Variants in MKLN1 observed in about 807,000 individuals in gnomAD.
MKLN1 encodes muskelin.
A neutral mutation model predicts 99.0 loss-of-function variants in MKLN1; 18 were observed. The observed-to-expected ratio is 0.18, with a 90% CI of 0.13 to 0.27. MKLN1 has a LOEUF of 0.27. MKLN1 is among the 10% of genes least tolerant of loss of function. The probability of loss-of-function intolerance (pLI) is 1.00; values close to 1 mark genes in which losing one functional copy is unlikely to be tolerated. For synonymous variants in MKLN1, 288 were observed against 293.2 expected, an observed-to-expected ratio of 0.98 and a Z score of 0.18; for missense variants, 621 against 875.9, an observed-to-expected ratio of 0.71 and a Z score of 3.67.
intron 10 of MKLN1, among the ~76,000 whole-genome samples, chr7:131,440,258 CAGT>C (rs1300261768): frequency 1.3e-5 from 2 of 152,112 alleles, no homozygotes; most frequent in African/African-American, 4.8e-5. Context: ...TTGCAATGGC[CAGT>C]AAGAAACCTG....
At chr7:131,427,909 A>G (rs1397310032) in intron 8 of MKLN1, among the ~76,000 whole-genome samples, 3 of 152,082 alleles carry the variant, frequency 2.0e-5, no homozygotes, top group African/African-American at 4.8e-5. Flanking sequence ...CATGCCTATA[A>G]TCCTGGTACT....
intron 3 of MKLN1, among the ~76,000 whole-genome samples, chr7:131,316,306 C>G (rs2116650497): frequency 6.6e-6 from 1 of 152,258 alleles, no homozygotes; most frequent in Non-Finnish European, 1.5e-5. Context: ...GATACCCAGG[C>G]AAATAGGGTC....
intron 3 of MKLN1, among the ~76,000 whole-genome samples, chr7:131,226,998 T>A (rs185151057): frequency 8.5e-5 from 13 of 152,342 alleles, no homozygotes; most frequent in Admixed American, 5.2e-4. Flanking sequence ...CCTTTCCCAC[T>A]CAAAAATCTT....
chr7:131,397,249 TG>T lies in MKLN1; in HGVS notation c.401-17del. 3 of 1,476,118 alleles carry T rather than the reference TG, an allele frequency of 2.0e-6. No homozygotes were observed. Among genetic ancestry groups the T allele is most frequent in the Non-Finnish European group, 2.8e-6 (3 of 1,064,788 alleles). 91.4% of individuals were successfully genotyped at this position (1,476,118 alleles called of 1,614,324 possible). On this transcript the variant is annotated splice_polypyrimidine_tract_variant and intron_variant, in intron 4 of 17. Coordinates refer to ENST00000352689, the MANE Select transcript of MKLN1 (RefSeq NM_013255.5). ...GTGTTAATATTTTTCTTCTTCTTTT[TG>T]TTTTTTCTCCTTAAAGTTCCACTCT...
chr7:131,129,320 A>T (rs774851684), intron 1 of MKLN1, among the ~76,000 whole-genome samples: 1 of 152,176 alleles, frequency 6.6e-6, no homozygotes, highest in Non-Finnish European at 1.5e-5. Context: ...AAAAACCTTA[A>T]CATACACAAA....
intron 17 of MKLN1, chr7:131,479,019 A>T (rs1797045319): frequency 4.7e-6 from 1 of 213,610 alleles, no homozygotes; most frequent in African/African-American, 2.3e-5. Context: ...TTGATTAAAT[A>T]GTTTTTCCTC....
At chr7:131,264,505 C>T (rs1418715772) in intron 3 of MKLN1, among the ~76,000 whole-genome samples, 1 of 152,092 alleles carries the variant, frequency 6.6e-6, no homozygotes, top group African/African-American at 2.4e-5. Context: ...GTTTCATTTT[C>T]AAAAGTAAGA....
intron 3 of MKLN1, among the ~76,000 whole-genome samples, chr7:131,284,333 A>T (rs886809494): frequency 6.6e-6 from 1 of 152,230 alleles, no homozygotes; most frequent in East Asian, 1.9e-4. Context: ...CCCTATTTTC[A>T]TAGATTCTGA....
At position 131,136,960 on chromosome 7, in the gene MKLN1, T is replaced by C. The variant is rs1164433420; in HGVS notation, c.-418-5860T>C. Among the ~76,000 whole-genome samples, 3 of 152,206 alleles carry C rather than the reference T, an allele frequency of 2.0e-5. No homozygotes were observed. In the East Asian group the frequency reaches 5.8e-4, roughly 29 times the overall value. On this transcript the variant is annotated intron_variant, in intron 1 of 7. Transcript: ENST00000416992. ...TTCTCTTCTGGCTTTCCCATTGGACTGTGAGTTTCTTGAAGCCTGTGACTT... is the reference window on the plus strand; with the variant it reads ...TTCTCTTCTGGCTTTCCCATTGGACCGTGAGTTTCTTGAAGCCTGTGACTT...
At chr7:131,127,369 C>A (rs372506470) in intron 1 of MKLN1, among the ~76,000 whole-genome samples, 9 of 152,060 alleles carry the variant, frequency 5.9e-5, no homozygotes, top group African/African-American at 2.2e-4. Context: ...TCTCATGGAG[C>A]ACACAGAGGA....
intron 1 of MKLN1, among the ~76,000 whole-genome samples, chr7:131,357,842 A>G (rs895072506): frequency 3.9e-5 from 6 of 152,250 alleles, no homozygotes; most frequent in Admixed American, 1.3e-4. Context: ...TATTGGAGAA[A>G]GGCATAAAAA....
intron 3 of MKLN1, chr7:131,309,927 G>T (rs1036062382): frequency 2.0e-5 from 3 of 151,584 alleles, no homozygotes; most frequent in Non-Finnish European, 4.4e-5. Context: ...GGGTTTCACT[G>T]TGTTATCCAG....
Position 131,474,005 on chromosome 7 carries a change from C to A in MKLN1, c.2031+3061C>A, listed in dbSNP as rs565403352. On this transcript the variant is annotated intron_variant, in intron 16 of 17. Coordinates refer to ENST00000352689, the MANE Select transcript of MKLN1 (RefSeq NM_013255.5). ...CTCTACTAAAAATACAAAAAATTGG[C>A]CGGGCATGGTGGGAGGCGCCTGTAA... Among the ~76,000 whole-genome samples, 22 of 152,118 alleles carry A rather than the reference C, an allele frequency of 1.4e-4. No individual in the cohort carries two copies. The East Asian group carries it at 3.1e-3, about 21-fold the overall frequency.
chr7:131,344,201 T>C (rs941881680), intron 1 of MKLN1, among the ~76,000 whole-genome samples: 5 of 152,202 alleles, frequency 3.3e-5, no homozygotes, highest in Non-Finnish European at 5.9e-5. Context: ...TGCCTTTTCT[T>C]TGGGTATTGC....
At chr7:131,437,531 T>C (rs1157782771) in intron 9 of MKLN1, among the ~76,000 whole-genome samples, 1 of 152,170 alleles carries the variant, frequency 6.6e-6, no homozygotes, top group Non-Finnish European at 1.5e-5. Flanking sequence ...TGCAGTGTAG[T>C]TCATCTCATC....
At chr7:131,226,007 T>G (rs1454804495) in intron 3 of MKLN1, among the ~76,000 whole-genome samples, 1 of 151,996 alleles carries the variant, frequency 6.6e-6, no homozygotes. Context: ...CTTCCTGGCC[T>G]CTCTACCCCG....
At chr7:131,328,428 G>A (rs1369849292) in intron 1 of MKLN1, among the ~76,000 whole-genome samples, 1 of 151,722 alleles carries the variant, frequency 6.6e-6, no homozygotes. Context: ...GTCGATTGCT[G>A]CCGGGACAAA....
intron 2 of MKLN1, among the ~76,000 whole-genome samples, chr7:131,383,091 G>A (rs1253983742): frequency 6.6e-6 from 1 of 152,150 alleles, no homozygotes; most frequent in East Asian, 1.9e-4. Flanking sequence ...AGTTTTCTGA[G>A]AATTTCTAAT....
intron 3 of MKLN1, among the ~76,000 whole-genome samples, chr7:131,287,317 A>G (rs778874271): frequency 2.1e-4 from 32 of 152,228 alleles, no homozygotes; most frequent in Non-Finnish European, 4.3e-4. Context: ...ATTTTCTCAC[A>G]GTTCCGGAGG....
Sources: gnomAD v4.1 joint callset for allele counts (sites outside exome capture counted in the v4.1 genomes callset) on GRCh38, gnomAD v4.1.1 for gene constraint, MANE v1.5 for transcripts, NCBI Gene and HGNC (gene_info 2026-07-23, HGNC 2026-07-21) for gene names.